Variants in COL4A5 observed in about 807,000 individuals in gnomAD.
COL4A5 encodes collagen type IV alpha 5 chain.
In COL4A5, 26 loss-of-function variants were observed where a neutral mutation model predicts 130.2. The ratio of observed to expected loss-of-function variants is 0.20; its 90% CI spans 0.15 to 0.28. COL4A5 has a LOEUF of 0.28. Ranked by LOEUF, COL4A5 falls within the 10% of genes least tolerant of loss-of-function variation. The pLI, the probability that COL4A5 is intolerant of heterozygous loss-of-function variation, is 1.00. For missense variants in COL4A5, 1,131 were observed against 1,344.3 expected (o/e 0.84, Z 2.48); for synonymous variants, 496 against 439.6 (o/e 1.13, Z -1.60).
intron 9 of COL4A5, among the ~76,000 whole-genome samples, chrX:108,575,432 A>T (rs73526285): frequency 0.097 from 10,889 of 112,207 alleles, 1,163 homozygotes; most frequent in African/African-American, 0.32. Flanking sequence ...TAATTACTTA[A>T]TCCTTTTATC....
chrX:108,476,419 T>C (rs941022389), intron 1 of COL4A5, among the ~76,000 whole-genome samples: 2 of 110,112 alleles, frequency 1.8e-5, no homozygotes, highest in East Asian at 5.7e-4. Context: ...TTACAAACAA[T>C]CCAGTTATAC....
intron 18 of COL4A5, among the ~76,000 whole-genome samples, chrX:108,585,842 A>G (rs770043919): frequency 1.7e-4 from 19 of 111,412 alleles, no homozygotes; most frequent in Non-Finnish European, 2.8e-4. Context: ...TTTTTTTGGT[A>G]TATAGTAGGT....
intron 36 of COL4A5, among the ~76,000 whole-genome samples, chrX:108,637,404 C>T (rs951716954): frequency 1.8e-5 from 2 of 110,799 alleles, no homozygotes; most frequent in African/African-American, 6.6e-5. Context: ...AAAAGAAAAA[C>T]TAAATCCAAA....
At chrX:108,554,314 C>A (rs764764095) in intron 2 of COL4A5, among the ~76,000 whole-genome samples, 6 of 111,483 alleles carry the variant, frequency 5.4e-5, no homozygotes, top group African/African-American at 2.0e-4. Flanking sequence ...TTAGGGGAAG[C>A]GGGCACCTTC....
intron 1 of COL4A5, among the ~76,000 whole-genome samples, chrX:108,490,678 A>T (rs768658495): frequency 1.2e-3 from 134 of 111,292 alleles, no homozygotes; most frequent in Non-Finnish European, 2.2e-3. Context: ...GTTTGGGGGT[A>T]CATGTGAAGG....
chrX:108,504,052 A>T (rs937094833), intron 1 of COL4A5, among the ~76,000 whole-genome samples: 2 of 111,814 alleles, frequency 1.8e-5, no homozygotes, highest in Admixed American at 1.9e-4. Context: ...GGCACATAAC[A>T]AATTGAAAAG....
intron 1 of COL4A5, among the ~76,000 whole-genome samples, chrX:108,502,446 C>T (rs1485607629): frequency 1.8e-5 from 2 of 109,496 alleles, no homozygotes; most frequent in Admixed American, 9.7e-5. Flanking sequence ...CCACCATGCC[C>T]GGCTAATTTT....
intron 1 of COL4A5, among the ~76,000 whole-genome samples, chrX:108,537,786 G>T (rs1258182319): frequency 1.8e-5 from 2 of 111,654 alleles, no homozygotes; most frequent in East Asian, 2.8e-4. Flanking sequence ...GCCATTTGGG[G>T]TTATCACTAC....
intron 29 of COL4A5, among the ~76,000 whole-genome samples, chrX:108,611,412 A>C (rs2035019011): frequency 9.0e-6 from 1 of 111,123 alleles, no homozygotes; most frequent in South Asian, 3.8e-4. Flanking sequence ...GGGCAGCAAG[A>C]ATAACATCCA....
intron 30 of COL4A5, among the ~76,000 whole-genome samples, chrX:108,618,368 A>G (rs983961616): frequency 8.9e-6 from 1 of 111,949 alleles, no homozygotes; most frequent in African/African-American, 3.2e-5. Context: ...TATGCTAATA[A>G]TGATTGATTT....
intron 1 of COL4A5, among the ~76,000 whole-genome samples, chrX:108,470,942 A>T (rs1232867346): frequency 1.8e-5 from 2 of 111,711 alleles, no homozygotes; most frequent in African/African-American, 3.3e-5. Flanking sequence ...TTTGTCGAAG[A>T]TCAGATGGCT....
intron 4 of COL4A5, 38 bp from the exon 5 acceptor site, chrX:108,568,591 G>C: frequency 2.0e-6 from 2 of 981,821 alleles, no homozygotes; most frequent in Non-Finnish European, 2.9e-6. Flanking sequence ...ATTTTTATGG[G>C]TTGTCATTTA....
At chrX:108,674,472 A>G in intron 42 of COL4A5, 1 of 273,368 alleles carries the variant, frequency 3.7e-6, no homozygotes. Context: ...TGATGTCTTC[A>G]GTAGAGTTTT....
intron 27 of COL4A5, 95 bp from the exon 28 acceptor site, chrX:108,602,869 C>T (rs759674516): frequency 2.5e-5 from 15 of 601,999 alleles, no homozygotes; most frequent in Non-Finnish European, 3.9e-5. Flanking sequence ...TTACTGTTGT[C>T]ACTAAGCATG....
intron 2 of COL4A5, among the ~76,000 whole-genome samples, chrX:108,556,034 G>A (rs898259546): frequency 5.4e-5 from 6 of 111,984 alleles, no homozygotes; most frequent in African/African-American, 1.9e-4. Flanking sequence ...GATTAATGAA[G>A]TAGTAATTCG....
intron 44 of COL4A5, among the ~76,000 whole-genome samples, chrX:108,679,903 A>G (rs781386727): frequency 8.9e-6 from 1 of 112,352 alleles, no homozygotes; most frequent in African/African-American, 3.2e-5. Flanking sequence ...GCAAAAGACA[A>G]TGAGATCTAG....
At chrX:108,552,253 T>C (rs909018561) in intron 2 of COL4A5, among the ~76,000 whole-genome samples, 1 of 112,125 alleles carries the variant, frequency 8.9e-6, no homozygotes, top group East Asian at 2.8e-4. Flanking sequence ...GTATGTAACT[T>C]TTTAAGACTG....
chrX:108,548,489 A>C (rs1191788220), intron 2 of COL4A5, among the ~76,000 whole-genome samples: 1 of 111,237 alleles, frequency 9.0e-6, no homozygotes, highest in Non-Finnish European at 1.9e-5. Context: ...CAAATGGTCT[A>C]ATACAAATAT....
At chrX:108,503,827 T>C (rs964761302) in intron 1 of COL4A5, among the ~76,000 whole-genome samples, 1 of 111,806 alleles carries the variant, frequency 8.9e-6, no homozygotes, top group Non-Finnish European at 1.9e-5. Context: ...TCCAAAGCAA[T>C]CTACAGATTC....
Sources: allele counts gnomAD v4.1 joint callset (sites outside exome capture counted in the v4.1 genomes callset), GRCh38; gene constraint gnomAD v4.1.1; transcripts MANE v1.5; gene names NCBI Gene and HGNC (gene_info 2026-07-23, HGNC 2026-07-21).